Variants in GYPE observed in about 807,000 individuals in gnomAD.
GYPE encodes the protein glycophorin E (MNS blood group), also known as glycophorin-E.
A neutral mutation model predicts 11.6 loss-of-function variants in GYPE; 8 were observed. The observed-to-expected ratio is 0.69, with a 90% confidence interval of 0.41 to 1.25. The LOEUF is 1.25. Ranked by LOEUF, GYPE falls within the 50% of genes most tolerant of loss-of-function variation. GYPE has a pLI of 0.01. For missense variants in GYPE, 90 were observed against 92.8 expected (o/e 0.97, Z 0.12); for synonymous variants, 28 against 29.6 (o/e 0.94, Z 0.18).
intron 1 of GYPE, among the ~76,000 whole-genome samples, chr4:143,896,624 A>C (rs1055930899): frequency 1.4e-4 from 21 of 152,182 alleles, no homozygotes; most frequent in Admixed American, 1.4e-3. Context: ...CTACAACTAG[A>C]AATACCATTT....
chr4:143,880,597 A>G (rs886550655), intron 1 of GYPE, 88 bp from the exon 2 acceptor site: 2 of 1,599,342 alleles, frequency 1.3e-6, no homozygotes, highest in South Asian at 2.2e-5. Flanking sequence ...ATTCCCTCAC[A>G]TCCCTCCAGT....
At chr4:143,885,456 G>A (rs2323425) in intron 1 of GYPE, among the ~76,000 whole-genome samples, 1 of 151,866 alleles carries the variant, frequency 6.6e-6, no homozygotes, top group Admixed American at 6.6e-5. Context: ...AACAGCTACT[G>A]CTCACAGTAA....
intron 1 of GYPE, among the ~76,000 whole-genome samples, chr4:143,891,550 G>C (rs903144414): frequency 2.6e-5 from 4 of 151,802 alleles, no homozygotes; most frequent in Admixed American, 6.6e-5. Flanking sequence ...GGACGATCTT[G>C]ATCTCCTGAC....
intron 1 of GYPE, among the ~76,000 whole-genome samples, chr4:143,892,006 C>G: frequency 6.6e-6 from 1 of 152,156 alleles, no homozygotes; most frequent in East Asian, 1.9e-4. Flanking sequence ...TTGGTCCATT[C>G]AGAGATTCAA....
At chr4:143,875,365 G>A in intron 3 of GYPE, 2 of 1,060,788 alleles carry the variant, frequency 1.9e-6, no homozygotes, top group Admixed American at 2.1e-5. Context: ...TACAGTAATA[G>A]GCAGGAGAAC....
intron 1 of GYPE, among the ~76,000 whole-genome samples, chr4:143,881,304 A>G (rs1744014434): frequency 6.6e-6 from 1 of 152,044 alleles, no homozygotes; most frequent in Non-Finnish European, 1.5e-5. Flanking sequence ...AACACTTTTT[A>G]TTCTTAAATG....
chr4:143,874,793 T>A (rs554403789), intron 3 of GYPE, among the ~76,000 whole-genome samples: 2 of 152,280 alleles, frequency 1.3e-5, no homozygotes, highest in Non-Finnish European at 2.9e-5. Context: ...CTCAGTAAGA[T>A]CTGCTGTGTC....
chr4:143,893,940 A>T (rs1251779469), intron 1 of GYPE, among the ~76,000 whole-genome samples: 1 of 152,156 alleles, frequency 6.6e-6, no homozygotes. Context: ...CATCACTTTC[A>T]GGTACACCAA....
In GYPE at chr4:143,871,141, A is replaced by C. The variant is rs1478990968; in HGVS notation, c.*1121T>G. 3 of 151,412 alleles carry C rather than the reference A, an allele frequency of 2.0e-5. No homozygotes were observed. The highest frequency in any genetic ancestry group is 4.2e-4 in the South Asian group (2 of 4,818). 9.4% of individuals were successfully genotyped at this position (151,412 alleles called of 1,614,324 possible). ...GTTCCTCCCATGACATGTGGGGATTATTGGAACTACAATTCAAGATGAGAT... is the reference window on the plus strand; with the variant it reads ...GTTCCTCCCATGACATGTGGGGATTCTTGGAACTACAATTCAAGATGAGAT... On this transcript the variant is annotated 3_prime_UTR_variant, in exon 4 of 4. Transcript: ENST00000358615.
rs1745024546 is a variant in GYPE at position 143,905,515 on chromosome 4, T to C, written c.-8A>G. The C allele has an allele frequency of 6.2e-7, 1 of 1,613,086 alleles. No homozygotes were observed. The highest frequency in any genetic ancestry group is 1.1e-5 in the South Asian group (1 of 91,044). On this transcript the variant is annotated 5_prime_UTR_variant, in exon 1 of 4. Coordinates refer to ENST00000358615, the MANE Select transcript of GYPE (RefSeq NM_198682.3). ...GATTATTTTTCCATACATCCTGAGA[T>C]CACGAGCTGGCTCCTGAAGTTAGTG... is the stretch of plus-strand genomic sequence containing the variant.
At chr4:143,881,403 A>T (rs1483417601) in intron 1 of GYPE, among the ~76,000 whole-genome samples, 1 of 152,116 alleles carries the variant, frequency 6.6e-6, no homozygotes, top group Non-Finnish European at 1.5e-5. Context: ...CAATAAAGAA[A>T]ATTTGGGAAC....
At chr4:143,904,013 AATACAT>A (rs1432875368) in intron 1 of GYPE, among the ~76,000 whole-genome samples, 1 of 152,146 alleles carries the variant, frequency 6.6e-6, no homozygotes, top group African/African-American at 2.4e-5. Context: ...CAAATATATG[AATACAT>A]ATACAAATAT....
chr4:143,881,927 C>G (rs1424037958), intron 1 of GYPE, among the ~76,000 whole-genome samples: 3 of 152,144 alleles, frequency 2.0e-5, no homozygotes, highest in Non-Finnish European at 4.4e-5. Flanking sequence ...GGAGAGCACA[C>G]AAACAACAGA....
intron 3 of GYPE, among the ~76,000 whole-genome samples, chr4:143,872,655 C>G (rs564474933): frequency 2.6e-4 from 39 of 152,102 alleles, no homozygotes; most frequent in African/African-American, 5.3e-4. Context: ...CATTATTCTG[C>G]GCTCTGAGGA....
intron 1 of GYPE, among the ~76,000 whole-genome samples, chr4:143,882,532 C>T (rs1019623076): frequency 3.3e-5 from 5 of 152,064 alleles, no homozygotes; most frequent in Admixed American, 2.6e-4. Context: ...ATGAAAATAG[C>T]TAATAAAATA....
At chr4:143,897,293 G>A (rs1392088239) in intron 1 of GYPE, among the ~76,000 whole-genome samples, 26 of 151,934 alleles carry the variant, frequency 1.7e-4, no homozygotes, top group African/African-American at 4.1e-4. Flanking sequence ...AGAAGACCCC[G>A]TATTTACAAA....
At chr4:143,884,248 C>T (rs1578961715) in intron 1 of GYPE, among the ~76,000 whole-genome samples, 1 of 43,222 alleles carries the variant, frequency 2.3e-5, no homozygotes, top group African/African-American at 5.2e-5. Context: ...CTTTTCAAGT[C>T]TCAGTTCAAT....
At position 143,891,911 on chromosome 4, in the gene GYPE, T is replaced by G. The variant is rs1368302348; in HGVS notation, c.38-11402A>C. On this transcript the variant is annotated intron_variant, in intron 1 of 3. Transcript: ENST00000358615. ...TTTAAGTTCCTCCTTGTACCTCTGG[T>G]AGAATTCGGCTGTGAATCCATCTGG... 7.9e-5 allele frequency among the ~76,000 whole-genome samples: 12 copies of G among 152,148 alleles called. 2 individuals carry two copies. The South Asian group carries it at 2.3e-3, about 29-fold the overall frequency.
chr4:143,872,348 C>T (rs908757123), intron 3 of GYPE, 96 bp from the exon 4 acceptor site: 2 of 152,508 alleles, frequency 1.3e-5, no homozygotes, highest in Admixed American at 6.6e-5. Context: ...TTGCCTATCT[C>T]CCCAAGATGT....
Sources: gnomAD v4.1 joint callset for allele counts (sites outside exome capture counted in the v4.1 genomes callset) on GRCh38, gnomAD v4.1.1 for gene constraint, MANE v1.5 for transcripts, NCBI Gene and HGNC (gene_info 2026-07-23, HGNC 2026-07-21) for gene names.